The following QKI variants were observed in gnomAD, a reference collection of about 807,000 sequenced individuals.
QKI encodes the protein QKI, KH domain containing RNA binding.
In QKI, 10 loss-of-function variants were observed where a neutral mutation model predicts 39.0. The observed-to-expected ratio is 0.26, with a 90% confidence interval of 0.16 to 0.43. The LOEUF is 0.43. Among genes scored for constraint, QKI ranks in the 20% least tolerant of loss-of-function variants. QKI has a pLI of 1.00. For synonymous variants in QKI, 204 were observed against 155.4 expected (o/e 1.31, Z -2.33); for missense variants, 218 against 428.0 (o/e 0.51, Z 4.33).
chr6:163,567,912 C>G, intron 7 of QKI: 1 of 985,474 alleles, frequency 1.0e-6, no homozygotes, highest in Non-Finnish European at 1.2e-6. Context: ...AAATACTAGA[C>G]ACAGCTGTTG....
chr6:163,472,091 A>G (rs1463292628), intron 2 of QKI, among the ~76,000 whole-genome samples: 1 of 152,110 alleles, frequency 6.6e-6, no homozygotes, highest in African/African-American at 2.4e-5. Flanking sequence ...TCCACGTATA[A>G]CTTTTAACTA....
chr6:163,529,102 T>C (rs1780688246), intron 3 of QKI, among the ~76,000 whole-genome samples: 1 of 152,152 alleles, frequency 6.6e-6, no homozygotes, highest in Admixed American at 6.5e-5. Context: ...AGAGTTATTG[T>C]AGAAAATCTG....
chr6:163,464,094 G>A (rs1490371739), intron 2 of QKI, among the ~76,000 whole-genome samples: 3 of 152,116 alleles, frequency 2.0e-5, no homozygotes, highest in Non-Finnish European at 4.4e-5. Context: ...CTCTTAAGCT[G>A]TTATCACATG....
intron 3 of QKI, among the ~76,000 whole-genome samples, chr6:163,489,033 T>C (rs1777877536): frequency 6.6e-6 from 1 of 151,170 alleles, no homozygotes; most frequent in Non-Finnish European, 1.5e-5. Context: ...TGTATCTGTG[T>C]ATAATTTCTC....
chr6:163,439,998 A>G (rs1789644983), intron 1 of QKI, among the ~76,000 whole-genome samples: 1 of 152,140 alleles, frequency 6.6e-6, no homozygotes, highest in Non-Finnish European at 1.5e-5. Context: ...GGATGGTGAA[A>G]AGCTTAAATG....
chr6:163,513,714 C>T (rs1016960023), intron 3 of QKI, among the ~76,000 whole-genome samples: 3 of 152,094 alleles, frequency 2.0e-5, no homozygotes, highest in Admixed American at 6.5e-5. Context: ...AGTTTTTGTG[C>T]ACATTGTTGT....
intron 1 of QKI, among the ~76,000 whole-genome samples, chr6:163,443,078 T>TAAAGGA (rs1182635842): frequency 6.6e-6 from 1 of 152,220 alleles, no homozygotes; most frequent in Non-Finnish European, 1.5e-5. Flanking sequence ...GTGGTTTAAT[T>TAAAGGA]AAAGGAGATC....
chr6:163,455,273 T>C lies in QKI; in HGVS notation c.143-6T>C. The C allele has an allele frequency of 2.5e-6, 4 of 1,598,074 alleles. No homozygotes were observed. The highest frequency in any genetic ancestry group is 3.4e-6 in the Non-Finnish European group (4 of 1,173,792). Reference sequence around the variant, plus strand: ...CTAACACATTTAAAATTTTTACTTTTAACAGAAATTAGCAGAGTACGGAAA... The same window carrying C: ...CTAACACATTTAAAATTTTTACTTTCAACAGAAATTAGCAGAGTACGGAAA... On this transcript the variant is annotated splice_polypyrimidine_tract_variant and splice_region_variant and intron_variant, in intron 1 of 7. Coordinates refer to ENST00000361752, the MANE Select transcript of QKI (RefSeq NM_006775.3).
intron 1 of QKI, among the ~76,000 whole-genome samples, chr6:163,437,795 G>A (rs1022566057): frequency 2.4e-4 from 36 of 152,030 alleles, no homozygotes; most frequent in African/African-American, 8.2e-4. Flanking sequence ...TGTATTAGAC[G>A]CTAAAATGCC....
intron 1 of QKI, among the ~76,000 whole-genome samples, chr6:163,420,742 T>A (rs921857516): frequency 1.3e-5 from 2 of 152,214 alleles, no homozygotes; most frequent in East Asian, 3.8e-4. Flanking sequence ...CTAGATTATT[T>A]CGTGTTTTAC....
chr6:163,474,856 TC>T (rs1221675700), intron 2 of QKI, among the ~76,000 whole-genome samples: 1 of 149,092 alleles, frequency 6.7e-6, no homozygotes, highest in African/African-American at 2.4e-5. Context: ...GGCCAAGAAT[TC>T]AAGGCTACAG....
Position 163,572,671 on chromosome 6 carries a change from C to CCCA in QKI, c.*1963_*1964insACC, listed in dbSNP as rs1783763487. ...GTGGCAAATCTCAAGTGACAGTGGA[C>CCCA]CCCCCCCCCCGCCCAGCTTATCAAC... On this transcript the variant is annotated 3_prime_UTR_variant, in exon 8 of 8. Transcript: ENST00000361752. 4.6e-5 allele frequency: 1 copy of CCCA among 21,530 alleles called. No homozygotes were observed. 1.3% of individuals were successfully genotyped at this position (21,530 alleles called of 1,614,324 possible).
intron 1 of QKI, among the ~76,000 whole-genome samples, chr6:163,444,580 C>T (rs949783251): frequency 2.6e-5 from 4 of 152,054 alleles, no homozygotes; most frequent in African/African-American, 9.7e-5. Context: ...ATTTACAAAG[C>T]TTTTGCAGGG....
At chr6:163,427,243 CTTTT>C (rs11375326) in intron 1 of QKI, among the ~76,000 whole-genome samples, 14,388 of 85,642 alleles carry the variant, frequency 0.17, 591 homozygotes, top group Admixed American at 0.32. Flanking sequence ...ATACTCGTAC[CTTTT>C]TTTTTTTTTT....
chr6:163,570,866 A>G lies in QKI; in HGVS notation c.*156A>G. Reference sequence around the variant, plus strand: ...GTCTTACCATCTAACCAAACAAAAGACAAAGAAATTGTTGTCCTCCAACTC... The same window carrying G: ...GTCTTACCATCTAACCAAACAAAAGGCAAAGAAATTGTTGTCCTCCAACTC... On this transcript the variant is annotated 3_prime_UTR_variant, in exon 8 of 8. Coordinates refer to ENST00000361752, the MANE Select transcript of QKI (RefSeq NM_006775.3). 1 of 1,050,152 alleles carries G rather than the reference A, an allele frequency of 9.5e-7. No individual in the cohort carries two copies. Among genetic ancestry groups the G allele is most frequent in the Non-Finnish European group, 1.3e-6 (1 of 746,806 alleles). 65.1% of individuals were successfully genotyped at this position (1,050,152 alleles called of 1,614,324 possible). A position where few individuals can be genotyped will look rare whatever the true frequency, so the allele number is the denominator to read the frequency against.
At position 163,443,970 on chromosome 6, in the gene QKI, C is replaced by T. The variant is rs77635598; in HGVS notation, c.143-11309C>T. ...TAAGGGATTTGGAGCTTCAAGAGGGCGAAATACATAGGTACAGACCTTTCC... is the reference window on the plus strand; with the variant it reads ...TAAGGGATTTGGAGCTTCAAGAGGGTGAAATACATAGGTACAGACCTTTCC... On this transcript the variant is annotated intron_variant, in intron 1 of 7. Coordinates refer to ENST00000361752, the MANE Select transcript of QKI (RefSeq NM_006775.3). Among the ~76,000 whole-genome samples the T allele has an allele frequency of 2.4e-3, 360 of 152,188 alleles. 5 individuals carry two copies. The East Asian group carries it at 0.052, about 22-fold the overall frequency.
intron 3 of QKI, among the ~76,000 whole-genome samples, chr6:163,483,443 A>G (rs1284025363): frequency 6.6e-6 from 1 of 152,208 alleles, no homozygotes; most frequent in African/African-American, 2.4e-5. Context: ...CATTTTACCC[A>G]CAGAACTTTT....
At chr6:163,451,882 G>A (rs1234112862) in intron 1 of QKI, among the ~76,000 whole-genome samples, 1 of 152,170 alleles carries the variant, frequency 6.6e-6, no homozygotes, top group Non-Finnish European at 1.5e-5. Flanking sequence ...ACCCGTACTC[G>A]TTGCATGTTT....
intron 3 of QKI, among the ~76,000 whole-genome samples, chr6:163,484,793 G>A (rs1793340549): frequency 1.3e-5 from 2 of 152,130 alleles, no homozygotes; most frequent in South Asian, 4.1e-4. Context: ...ACTATCTACA[G>A]GTCACTATGG....
Sources: allele counts gnomAD v4.1 joint callset (sites outside exome capture counted in the v4.1 genomes callset), GRCh38; gene constraint gnomAD v4.1.1; transcripts MANE v1.5; gene names NCBI Gene and HGNC (gene_info 2026-07-23, HGNC 2026-07-21).